The following ELK3 variants were observed in gnomAD, a reference collection of about 807,000 sequenced individuals.
The protein encoded by ELK3 is ETS transcription factor ELK3.
ELK3 carries 10 observed loss-of-function variants against 28.9 expected under a neutral mutation model. That is an observed-to-expected ratio of 0.35 (90% CI 0.21 to 0.59). ELK3 has a LOEUF of 0.59. Among genes scored for constraint, ELK3 ranks in the 20% least tolerant of loss-of-function variants. The pLI is 0.82. For synonymous variants in ELK3, 272 were observed against 243.5 expected (o/e 1.12, Z -1.09); for missense variants, 463 against 517.3 (o/e 0.90, Z 1.02).
intron 2 of ELK3, among the ~76,000 whole-genome samples, chr12:96,226,663 C>T (rs1377542776): frequency 2.0e-5 from 3 of 152,268 alleles, no homozygotes; most frequent in East Asian, 1.9e-4. Flanking sequence ...CACATGCACA[C>T]GTGGCCACTG....
At chr12:96,263,156 A>G (rs1952006327) in intron 4 of ELK3, among the ~76,000 whole-genome samples, 1 of 152,190 alleles carries the variant, frequency 6.6e-6, no homozygotes, top group Non-Finnish European at 1.5e-5. Flanking sequence ...ATTTTTGTAC[A>G]GAAGGGCCCC....
intron 4 of ELK3, among the ~76,000 whole-genome samples, chr12:96,266,315 C>A (rs1952029091): frequency 6.6e-6 from 1 of 152,144 alleles, no homozygotes; most frequent in Non-Finnish European, 1.5e-5. Flanking sequence ...CCCAGGAGAT[C>A]TTTTTGACAC....
At position 96,248,171 on chromosome 12, in the gene ELK3, C is replaced by T. The variant is rs547979180; in HGVS notation, c.1002+437C>T. On this transcript the variant is annotated intron_variant, in intron 3 of 4. Transcript: ENST00000228741. ...CTGTTAACAAGAAAATAGATGTCAA[C>T]TGATGCCGCCATCGCATGTCAGTGT... 1.1e-4 allele frequency among the ~76,000 whole-genome samples: 17 copies of T among 152,290 alleles called. No individual in the cohort carries two copies. In the South Asian group the frequency reaches 3.5e-3, roughly 32 times the overall value.
chr12:96,196,972 A>T (rs1951474468), intron 1 of ELK3, among the ~76,000 whole-genome samples: 1 of 152,124 alleles, frequency 6.6e-6, no homozygotes, highest in African/African-American at 2.4e-5. Context: ...GGATGTCCCT[A>T]ATGCTATGCC....
chr12:96,202,327 C>A (rs981422565), intron 1 of ELK3, among the ~76,000 whole-genome samples: 3 of 152,176 alleles, frequency 2.0e-5, no homozygotes, highest in Admixed American at 2.0e-4. Context: ...TGCCCTCTGT[C>A]CACTGGGTCT....
At chr12:96,262,630 ATAT>A (rs1282227323) in intron 4 of ELK3, among the ~76,000 whole-genome samples, 1 of 152,190 alleles carries the variant, frequency 6.6e-6, no homozygotes, top group Non-Finnish European at 1.5e-5. Context: ...GCCTTTTAAA[ATAT>A]TATTAGTCTT....
intron 1 of ELK3, among the ~76,000 whole-genome samples, chr12:96,209,917 T>C (rs2137004507): frequency 7.1e-6 from 1 of 141,650 alleles, no homozygotes; most frequent in East Asian, 2.0e-4. Flanking sequence ...CTTTTTCTCC[T>C]TTTTTTTTTT....
intron 2 of ELK3, among the ~76,000 whole-genome samples, chr12:96,243,156 C>G (rs1951832831): frequency 6.6e-6 from 1 of 152,112 alleles, no homozygotes; most frequent in South Asian, 2.1e-4. Context: ...CTTTAAAAAC[C>G]AGCTTCATTA....
rs192140047 is a variant in ELK3 at position 96,264,059 on chromosome 12, C to G, written c.1126-3023C>G. 3.3e-4 allele frequency among the ~76,000 whole-genome samples: 51 copies of G among 152,334 alleles called. No individual in the cohort carries two copies. The East Asian group carries it at 9.2e-3, about 28-fold the overall frequency. Reference sequence around the variant, plus strand: ...TGGCACAATCTCGGCTCACTGCAACCTCTGCCTCCTGGGCTCAAGCGATCC... The same window carrying G: ...TGGCACAATCTCGGCTCACTGCAACGTCTGCCTCCTGGGCTCAAGCGATCC... On this transcript the variant is annotated intron_variant, in intron 4 of 4. Transcript: ENST00000228741.
intron 3 of ELK3, among the ~76,000 whole-genome samples, chr12:96,248,981 A>G (rs1322968819): frequency 6.6e-6 from 1 of 152,344 alleles, no homozygotes; most frequent in South Asian, 2.1e-4. Context: ...AAATGTTGCA[A>G]TGAGCATTTC....
At chr12:96,226,972 C>T (rs771639335) in intron 2 of ELK3, among the ~76,000 whole-genome samples, 1 of 152,144 alleles carries the variant, frequency 6.6e-6, no homozygotes, top group Non-Finnish European at 1.5e-5. Flanking sequence ...TTCTTCCTTC[C>T]GTTTTGCCAG....
In ELK3 at chr12:96,247,254, C is replaced by T; in HGVS notation, c.522C>T (p.Pro174=). 2 of 1,614,202 alleles carry T rather than the reference C, an allele frequency of 1.2e-6. No homozygotes were observed. The highest frequency in any genetic ancestry group is 1.1e-5 in the South Asian group (1 of 91,088). ...EKLEEPPEDS[P]PVEEVRTVIR... ...TGGAGGAGCCGCCCGAAGACAGCCC[C>T]CCCGTGGAAGAAGTCAGGACTGTGA... The change falls in exon 3 of 5, where the codon CCC becomes CCT. Residue 174 remains proline (P), a synonymous_variant. Transcript: ENST00000228741. This position sits in a 1 kb window ranked among gnomAD's most constrained non-coding sequence, Gnocchi z 5.5.
At chr12:96,202,307 A>G (rs374965488) in intron 1 of ELK3, among the ~76,000 whole-genome samples, 59 of 152,276 alleles carry the variant, frequency 3.9e-4, no homozygotes, top group East Asian at 3.9e-3. Context: ...CAAATGCTTA[A>G]GGTGTCCTCT....
intron 2 of ELK3, among the ~76,000 whole-genome samples, chr12:96,229,113 C>T (rs1048707710): frequency 6.6e-6 from 1 of 152,174 alleles, no homozygotes; most frequent in Non-Finnish European, 1.5e-5. Context: ...TTAGTAAATG[C>T]TAGACGAGTG....
intron 3 of ELK3, among the ~76,000 whole-genome samples, chr12:96,253,480 C>T (rs1221450542): frequency 6.6e-6 from 1 of 152,206 alleles, no homozygotes; most frequent in African/African-American, 2.4e-5. Context: ...GTGCTACAGA[C>T]TTCTGTGGGA....
chr12:96,233,701 C>G (rs761462896), intron 2 of ELK3, among the ~76,000 whole-genome samples: 10 of 152,164 alleles, frequency 6.6e-5, no homozygotes, highest in Admixed American at 1.3e-4. Flanking sequence ...ATAAATTTTG[C>G]AAAGATAAAA....
Position 96,267,287 on chromosome 12 carries a change from T to A in ELK3, c.*107T>A. Reference sequence around the variant, plus strand: ...GGACATTGTGAAACTCTTGTTAATTTGGTTTGCACTTTTCATAACATGGAT... The same window carrying A: ...GGACATTGTGAAACTCTTGTTAATTAGGTTTGCACTTTTCATAACATGGAT... On this transcript the variant is annotated 3_prime_UTR_variant, in exon 5 of 5. Transcript: ENST00000228741. The A allele has an allele frequency of 1.1e-6, 1 of 946,734 alleles. No individual in the cohort carries two copies. Among genetic ancestry groups the A allele is most frequent in the Non-Finnish European group, 1.5e-6 (1 of 647,488 alleles). 58.6% of individuals were successfully genotyped at this position (946,734 alleles called of 1,614,324 possible). A position where few individuals can be genotyped will look rare whatever the true frequency, so the allele number is the denominator to read the frequency against.
chr12:96,230,589 A>C (rs1217533637), intron 2 of ELK3, among the ~76,000 whole-genome samples: 1 of 152,184 alleles, frequency 6.6e-6, no homozygotes, highest in Non-Finnish European at 1.5e-5. Context: ...CCCAGGGTGG[A>C]GACAGGTCCA....
At position 96,257,852 on chromosome 12, in the gene ELK3, C is replaced by T. The variant is rs968957804; in HGVS notation, c.1003-1879C>T. Among the ~76,000 whole-genome samples the T allele has an allele frequency of 5.3e-5, 8 of 152,168 alleles. 1 individual carries two copies. The highest frequency in any genetic ancestry group is 3.9e-4 in the Admixed American group (6 of 15,278). ...CTCTGTATACAGTTGAGAATTTCTC[C>T]CTCACATAGATGAAGTACGTTTAGT... On this transcript the variant is annotated intron_variant, in intron 3 of 4. Transcript: ENST00000228741.
Sources: gnomAD v4.1 joint callset for allele counts (sites outside exome capture counted in the v4.1 genomes callset) on GRCh38, gnomAD v4.1.1 for gene constraint, Gnocchi (gnomAD v3.1) non-coding constraint, MANE v1.5 for transcripts, NCBI Gene and HGNC (gene_info 2026-07-23, HGNC 2026-07-21) for gene names.